The following ZNF544 variants were observed in gnomAD, a reference collection of about 807,000 sequenced individuals.
The protein encoded by ZNF544 is zinc finger protein 544.
In ZNF544, 10 loss-of-function variants were observed where a neutral mutation model predicts 13.5. The observed-to-expected ratio is 0.74, with a 90% CI of 0.46 to 1.25. ZNF544 has a LOEUF of 1.25. Among genes scored for constraint, ZNF544 ranks in the 50% most tolerant of loss-of-function variants. The probability of loss-of-function intolerance (pLI) is 0.00; values close to 1 mark genes in which losing one functional copy is unlikely to be tolerated. For missense variants in ZNF544, 896 were observed against 845.6 expected (o/e 1.06, Z -0.74); for synonymous variants, 323 against 300.5 (o/e 1.07, Z -0.77).
At chr19:58,235,666 T>C (rs1296822398) in intron 3 of ZNF544, among the ~76,000 whole-genome samples, 5 of 152,224 alleles carry the variant, frequency 3.3e-5, no homozygotes, top group African/African-American at 1.2e-4. Flanking sequence ...AGCCATTCTA[T>C]AGTGCATATG....
intron 5 of ZNF544, among the ~76,000 whole-genome samples, chr19:58,269,485 C>T (rs2050352212): frequency 1.3e-5 from 2 of 151,186 alleles, no homozygotes; most frequent in Non-Finnish European, 2.9e-5. Flanking sequence ...GTGGCTCACA[C>T]CTGTAATCCC....
intron 3 of ZNF544, among the ~76,000 whole-genome samples, chr19:58,241,179 A>ATATATATATATATATTTTT (rs1181835768): frequency 1.4e-5 from 1 of 72,764 alleles, no homozygotes; most frequent in African/African-American, 5.9e-5. Flanking sequence ...ATATATATAT[A>ATATATATATATATATTTTT]TTTTTTTTTT....
In ZNF544 at chr19:58,262,763, T is replaced by G; in HGVS notation, c.*9T>G. The stretch of plus-strand genomic sequence containing the variant: ...CTGGAGAGAAACCTTAGGAGTGCAG[T>G]CATTGTGGGAAAGCTTTCATCCAGA... On this transcript the variant is annotated 3_prime_UTR_variant, in exon 7 of 7. Coordinates refer to ENST00000687789, the MANE Select transcript of ZNF544 (RefSeq NM_014480.4). 2.5e-6 allele frequency: 4 copies of G among 1,577,490 alleles called. No homozygotes were observed. The highest frequency in any genetic ancestry group is 1.2e-5 in the South Asian group (1 of 85,272).
chr19:58,236,959 T>C (rs2042538241), intron 3 of ZNF544, among the ~76,000 whole-genome samples: 1 of 151,944 alleles, frequency 6.6e-6, no homozygotes, highest in Admixed American at 6.6e-5. Context: ...CAGGCTGGTC[T>C]TGATCTCCTG....
intron 5 of ZNF544, among the ~76,000 whole-genome samples, chr19:58,271,253 T>G (rs562092983): frequency 1.3e-5 from 2 of 149,984 alleles, no homozygotes; most frequent in East Asian, 3.9e-4. Flanking sequence ...GATCAAAGAT[T>G]AGAATTACGG....
rs1237312239 is a variant in ZNF544 at position 58,261,388 on chromosome 19, G to A, written c.782G>A (p.Gly261Asp). ...TATGGTTCCTCCCTTTGTTTTCATG[G>A]TAGAACTTTTTCAGTGAAGAAAAGT... ...LNYGSSLCFH[G>D]RTFSVKKSDD... Residue 261 changes from glycine (G) to aspartate (D), a missense_variant, in exon 7 of 7, where the codon GGT (glycine) becomes GAT (aspartate). Physicochemically the swap from Gly to Asp is moderately conservative, Grantham distance 94 (BLOSUM62 -1). Transcript: ENST00000687789. The A allele has an allele frequency of 6.2e-7, 1 of 1,614,134 alleles. No homozygotes were observed. Among genetic ancestry groups the A allele is most frequent in the South Asian group, 1.1e-5 (1 of 91,074 alleles).
At chr19:58,245,441 A>G (rs2147061296) in intron 4 of ZNF544, among the ~76,000 whole-genome samples, 1 of 151,532 alleles carries the variant, frequency 6.6e-6, no homozygotes, top group South Asian at 2.1e-4. Flanking sequence ...AGCTGGGATT[A>G]CAGGCATGTG....
At chr19:58,254,550 C>T (rs1434359978) in intron 6 of ZNF544, among the ~76,000 whole-genome samples, 2 of 152,176 alleles carry the variant, frequency 1.3e-5, no homozygotes, top group Non-Finnish European at 2.9e-5. Flanking sequence ...AGTTGGATCC[C>T]CTAGAGGATC....
At chr19:58,251,357 C>T (rs996167973) in intron 6 of ZNF544, 1 of 518,924 alleles carries the variant, frequency 1.9e-6, no homozygotes, top group Non-Finnish European at 3.8e-6. Flanking sequence ...ATGGGAGCTT[C>T]AGGTTCCCGG....
intron 4 of ZNF544, among the ~76,000 whole-genome samples, chr19:58,245,542 T>C (rs1344854450): frequency 6.6e-6 from 1 of 150,664 alleles, no homozygotes; most frequent in African/African-American, 2.4e-5. Context: ...CCTTGTGATC[T>C]GCCCGCCTCG....
intron 6 of ZNF544, among the ~76,000 whole-genome samples, chr19:58,254,980 C>T (rs1293886898): frequency 8.6e-5 from 13 of 151,710 alleles, no homozygotes; most frequent in African/African-American, 2.7e-4. Context: ...CTCCGCCTCC[C>T]GGGTTCACGC....
intron 6 of ZNF544, chr19:58,251,271 T>C (rs973090859): frequency 3.9e-6 from 2 of 518,056 alleles, no homozygotes; most frequent in Non-Finnish European, 7.7e-6. Flanking sequence ...GGAAAGTTGG[T>C]AGGCTTTTAC....
chr19:58,258,374 GCTGGGTGTGAGGGCA>G (rs1373869412), intron 6 of ZNF544: 35 of 156,660 alleles, frequency 2.2e-4, no homozygotes, highest in African/African-American at 6.5e-4. Flanking sequence ...GTGTGAGAGT[GCTGGGTGTGAGGGCA>G]CTGGGTGTGA....
chr19:58,237,692 A>G (rs938958516), intron 3 of ZNF544, among the ~76,000 whole-genome samples: 2 of 151,752 alleles, frequency 1.3e-5, no homozygotes, highest in Admixed American at 6.6e-5. Flanking sequence ...TCTTCCTCAT[A>G]TTTTCCTTTT....
At chr19:58,240,359 G>A (rs942058151) in intron 3 of ZNF544, among the ~76,000 whole-genome samples, 8 of 151,582 alleles carry the variant, frequency 5.3e-5, no homozygotes, top group African/African-American at 1.7e-4. Context: ...CCGGGTTCAC[G>A]CCATTCTCCT....
chr19:58,262,485 A>T lies in ZNF544; in HGVS notation c.1879A>T (p.Thr627Ser), dbSNP rs1449883523. ...TQLIRHLQIH[T>S]GEKPYKCNQC... ...GCTCATCAGGCATCTGCAAATTCACACTGGGGAGAAGCCGTACAAATGCAA... is the reference window on the plus strand; with the variant it reads ...GCTCATCAGGCATCTGCAAATTCACTCTGGGGAGAAGCCGTACAAATGCAA... The change falls in exon 7 of 7, where the codon ACT (threonine) becomes TCT (serine). Residue 627 changes from threonine (T) to serine (S), a missense_variant. Transcript: ENST00000687789. 6.2e-7 allele frequency: 1 copy of T among 1,614,072 alleles called. No individual in the cohort carries two copies. The highest frequency in any genetic ancestry group is 8.5e-7 in the Non-Finnish European group (1 of 1,180,028).
At chr19:58,235,452 C>T (rs1203318830) in intron 3 of ZNF544, among the ~76,000 whole-genome samples, 1 of 152,172 alleles carries the variant, frequency 6.6e-6, no homozygotes, top group African/African-American at 2.4e-5. Context: ...CAGTGGCTGT[C>T]TCTTAAGATG....
chr19:58,273,849 G>T (rs1446788002), intron 5 of ZNF544, among the ~76,000 whole-genome samples: 1 of 151,632 alleles, frequency 6.6e-6, no homozygotes, highest in East Asian at 2.0e-4. Flanking sequence ...AGGCTGGAGT[G>T]CAGTGGCGTG....
intron 6 of ZNF544, among the ~76,000 whole-genome samples, chr19:58,247,072 T>C (rs2045392486): frequency 6.6e-6 from 1 of 152,182 alleles, no homozygotes. Flanking sequence ...TTGTTTTTTT[T>C]TAATTAATGT....
Sources: allele counts gnomAD v4.1 joint callset (sites outside exome capture counted in the v4.1 genomes callset), GRCh38; gene constraint gnomAD v4.1.1; transcripts MANE v1.5; gene names NCBI Gene and HGNC (gene_info 2026-07-23, HGNC 2026-07-21).